Variants in RBM26 observed in about 807,000 individuals in gnomAD.
RBM26 encodes the protein RNA-binding protein 26.
In RBM26, 30 loss-of-function variants were observed where a neutral mutation model predicts 123.6. The observed-to-expected ratio is 0.24, with a 90% CI of 0.18 to 0.33. The LOEUF (loss-of-function observed/expected upper bound fraction) is 0.33, where lower values mean the gene tolerates loss of function less well. Ranked by LOEUF, RBM26 falls within the 10% of genes least tolerant of loss-of-function variation. The pLI, the probability that RBM26 is intolerant of heterozygous loss-of-function variation, is 1.00. For missense variants in RBM26, 947 were observed against 1,203.6 expected (o/e 0.79, Z 3.15); for synonymous variants, 400 against 404.4 (o/e 0.99, Z 0.13).
At chr13:79,404,944 C>A (rs545154935) in intron 1 of RBM26, among the ~76,000 whole-genome samples, 1 of 152,286 alleles carries the variant, frequency 6.6e-6, no homozygotes, top group East Asian at 1.9e-4. Context: ...TTCCCCATTG[C>A]ATTATTGTAA....
At position 79,351,256 on chromosome 13, in the gene RBM26, A is replaced by G. The variant is rs1336592292; in HGVS notation, c.2058+1897T>C. On this transcript the variant is annotated intron_variant, in intron 14 of 21. Transcript: ENST00000438737. Reference sequence around the variant, plus strand: ...TGTCTCTAGAATTTCTCAGTAGTACACTAAGTACAGCTGAACTTAGTGTTA... The same window carrying G: ...TGTCTCTAGAATTTCTCAGTAGTACGCTAAGTACAGCTGAACTTAGTGTTA... Among the ~76,000 whole-genome samples the G allele has an allele frequency of 2.0e-5, 3 of 152,272 alleles. No homozygotes were observed. The East Asian group carries it at 5.8e-4, about 29-fold the overall frequency.
At chr13:79,387,134 T>C (rs2077565252) in intron 1 of RBM26, among the ~76,000 whole-genome samples, 1 of 152,180 alleles carries the variant, frequency 6.6e-6, no homozygotes, top group Non-Finnish European at 1.5e-5. Flanking sequence ...GTCATGAATC[T>C]TAAGACTAAG....
chr13:79,377,207 C>A (rs2076728182), intron 3 of RBM26, 172 bp downstream of exon 3: 2 of 526,548 alleles, frequency 3.8e-6, no homozygotes, highest in Non-Finnish European at 3.3e-6. Context: ...TGAAATAAGC[C>A]AGGGCCATAA....
At chr13:79,400,650 T>C (rs1447180680) in intron 1 of RBM26, among the ~76,000 whole-genome samples, 1 of 151,890 alleles carries the variant, frequency 6.6e-6, no homozygotes, top group Non-Finnish European at 1.5e-5. Context: ...AATTAGAATC[T>C]GAAGAAAAGG....
intron 1 of RBM26, among the ~76,000 whole-genome samples, chr13:79,404,240 C>G (rs754148012): frequency 4.6e-5 from 7 of 152,182 alleles, no homozygotes; most frequent in Non-Finnish European, 8.8e-5. Flanking sequence ...ATCACCCATT[C>G]TGTTGCTTGG....
intron 20 of RBM26, among the ~76,000 whole-genome samples, chr13:79,330,302 GA>G (rs1176613905): frequency 1.3e-5 from 2 of 152,120 alleles, no homozygotes; most frequent in East Asian, 1.9e-4. Flanking sequence ...AACAAAGGAG[GA>G]AAAAACTATG....
rs1594244053 is a variant in RBM26, at chr13:79,354,589, T to C, written c.1855-19A>G. 6.4e-7 allele frequency: 1 copy of C among 1,556,490 alleles called. No homozygotes were observed. Among genetic ancestry groups the C allele is most frequent in the Non-Finnish European group, 8.7e-7 (1 of 1,144,168 alleles). ...GCATTACCTCAGAACAAGGAAAAAA[T>C]GTTAAACAAGTTGATTCATTCAAAA... On this transcript the variant is annotated intron_variant, in intron 12 of 21. Transcript: ENST00000438737.
chr13:79,375,870 A>G (rs1285583686), intron 3 of RBM26, among the ~76,000 whole-genome samples: 1 of 151,982 alleles, frequency 6.6e-6, no homozygotes, highest in Non-Finnish European at 1.5e-5. Flanking sequence ...AAAGGTCACA[A>G]CATCAACATC....
chr13:79,368,907 T>C lies in RBM26; in HGVS notation c.718A>G (p.Ser240Gly), dbSNP rs749422956. 15 of 1,611,976 alleles carry C rather than the reference T, an allele frequency of 9.3e-6. No individual in the cohort carries two copies. The highest frequency in any genetic ancestry group is 1.3e-5 in the Non-Finnish European group (15 of 1,178,234). Residue 240 changes from serine to glycine, a missense_variant, in exon 6 of 22, where the codon AGT (serine) becomes GGT (glycine). By Grantham distance (56) the Ser-to-Gly change is moderately conservative. Transcript: ENST00000438737. ...ACAGGGTAGTGGCCAGATGAAATAC[T>C]AGGTACCGAAGAGACTGGAGTATAA... ...NNYTPVSSVPSISSGHYPVPT... is the reference protein window; with the variant it reads ...NNYTPVSSVPGISSGHYPVPT...
At chr13:79,372,696 T>C (rs1304998401) in intron 3 of RBM26, among the ~76,000 whole-genome samples, 3 of 143,474 alleles carry the variant, frequency 2.1e-5, no homozygotes, top group African/African-American at 7.8e-5. Flanking sequence ...CATATACATG[T>C]TTATATATAT....
At chr13:79,331,616 A>G (rs1286537083) in intron 20 of RBM26, among the ~76,000 whole-genome samples, 1 of 151,720 alleles carries the variant, frequency 6.6e-6, no homozygotes, top group Non-Finnish European at 1.5e-5. Context: ...AGCCTGGGCA[A>G]CACAGCGAGA....
chr13:79,320,802 C>A, intron 21 of RBM26, 92 bp from the exon 22 acceptor site: 1 of 1,271,028 alleles, frequency 7.9e-7, no homozygotes, highest in Non-Finnish European at 1.0e-6. Flanking sequence ...TCTCTCTCAA[C>A]AGAGTTGAAT....
intron 1 of RBM26, among the ~76,000 whole-genome samples, chr13:79,390,523 T>A (rs1384961376): frequency 6.6e-6 from 1 of 152,198 alleles, no homozygotes; most frequent in East Asian, 1.9e-4. Flanking sequence ...GTTACAAAAA[T>A]GTATACACTT....
At position 79,382,719 on chromosome 13, in the gene RBM26, G is replaced by A. The variant is rs114541788; in HGVS notation, c.72-3812C>T. 4.2e-3 allele frequency among the ~76,000 whole-genome samples: 643 copies of A among 152,192 alleles called. 4 individuals carry two copies. The highest frequency in any genetic ancestry group is 0.015 in the African/African-American group (617 of 41,548). On this transcript the variant is annotated intron_variant, in intron 1 of 21. Transcript: ENST00000438737. ...AATGAAAGTGTGAAATGGCTGGGGGGGAAACATAAATTATAAACATGCAAT... is the reference window on the plus strand; with the variant it reads ...AATGAAAGTGTGAAATGGCTGGGGGAGAAACATAAATTATAAACATGCAAT...
intron 4 of RBM26, among the ~76,000 whole-genome samples, 183 bp from the exon 5 acceptor site, chr13:79,371,345 T>A (rs1347828883): frequency 6.6e-6 from 1 of 152,194 alleles, no homozygotes; most frequent in East Asian, 1.9e-4. Context: ...AACAATCTTT[T>A]TAAAGCCTTA....
intron 1 of RBM26, among the ~76,000 whole-genome samples, chr13:79,396,816 G>C (rs2078606902): frequency 6.6e-6 from 1 of 152,184 alleles, no homozygotes; most frequent in East Asian, 1.9e-4. Flanking sequence ...CTTAATATTT[G>C]AAAAGCAATC....
chr13:79,341,517 G>T (rs1204486161), intron 17 of RBM26, among the ~76,000 whole-genome samples: 1 of 151,644 alleles, frequency 6.6e-6, no homozygotes, highest in African/African-American at 2.4e-5. Flanking sequence ...GAAAGGAAAA[G>T]TAAAAAACAA....
At chr13:79,331,067 G>A (rs1283129588) in intron 20 of RBM26, among the ~76,000 whole-genome samples, 2 of 151,962 alleles carry the variant, frequency 1.3e-5, no homozygotes, top group East Asian at 3.9e-4. Flanking sequence ...CTGAAGCACA[G>A]TGGCATGATC....
chr13:79,341,358 C>G (rs1383246186), intron 17 of RBM26, 131 bp from the exon 18 acceptor site: 5 of 528,902 alleles, frequency 9.5e-6, no homozygotes, highest in Admixed American at 7.5e-5. Context: ...TCACTCTAAT[C>G]CAAGCCAAAA....
Sources: allele counts gnomAD v4.1 joint callset (sites outside exome capture counted in the v4.1 genomes callset), GRCh38; gene constraint gnomAD v4.1.1; transcripts MANE v1.5; gene names NCBI Gene and HGNC (gene_info 2026-07-23, HGNC 2026-07-21).